Variants in MGAT4C observed in about 807,000 individuals in gnomAD.
The protein encoded by MGAT4C is MGAT4 family member C.
Under a neutral mutation model 40.1 loss-of-function variants are expected in MGAT4C, and 19 were observed. The observed-to-expected ratio is 0.47, with a 90% CI of 0.33 to 0.70. The LOEUF (loss-of-function observed/expected upper bound fraction) is 0.70, where lower values mean the gene tolerates loss of function less well. MGAT4C is among the 30% of genes least tolerant of loss of function. The pLI, the probability that MGAT4C is intolerant of heterozygous loss-of-function variation, is 0.02. For missense variants in MGAT4C, 491 were observed against 563.2 expected (o/e 0.87, Z 1.30); for synonymous variants, 181 against 187.1 (o/e 0.97, Z 0.27).
At chr12:86,599,085 G>A (rs1032979250) in intron 2 of MGAT4C, among the ~76,000 whole-genome samples, 3 of 152,086 alleles carry the variant, frequency 2.0e-5, no homozygotes, top group Non-Finnish European at 2.9e-5. Context: ...GCTAAAGGTA[G>A]AATGGGGAGA....
chr12:86,359,012 A>C (rs1487635576), intron 3 of MGAT4C, among the ~76,000 whole-genome samples: 3 of 152,200 alleles, frequency 2.0e-5, no homozygotes, highest in African/African-American at 4.8e-5. Context: ...ACCCCAAATC[A>C]ATAGAATATA....
At chr12:86,043,254 G>A (rs1441842136) in intron 2 of MGAT4C, among the ~76,000 whole-genome samples, 2 of 152,138 alleles carry the variant, frequency 1.3e-5, no homozygotes, top group South Asian at 2.1e-4. Context: ...ACAGTCACAA[G>A]GTGAAGTCCC....
intron 2 of MGAT4C, among the ~76,000 whole-genome samples, chr12:86,492,844 A>C (rs561742808): frequency 6.6e-6 from 1 of 152,326 alleles, no homozygotes; most frequent in Admixed American, 6.5e-5. Flanking sequence ...AGAAACTACC[A>C]TCAGAGTGAA....
intron 1 of MGAT4C, among the ~76,000 whole-genome samples, chr12:86,146,158 C>T (rs1828682242): frequency 6.6e-6 from 1 of 152,094 alleles, no homozygotes; most frequent in Non-Finnish European, 1.5e-5. Context: ...TTTCTATGAT[C>T]CGAAGACCTG....
chr12:86,712,818 G>A (rs918059304), intron 2 of MGAT4C, among the ~76,000 whole-genome samples: 4 of 151,898 alleles, frequency 2.6e-5, no homozygotes, highest in African/African-American at 9.7e-5. Context: ...TGCCTCCTCT[G>A]GCTCCATTCT....
intron 2 of MGAT4C, among the ~76,000 whole-genome samples, chr12:86,557,128 T>C (rs1365577014): frequency 6.6e-6 from 1 of 152,212 alleles, no homozygotes; most frequent in Non-Finnish European, 1.5e-5. Flanking sequence ...TTTTGATATT[T>C]ATCTATTTTT....
chr12:86,737,015 A>T (rs1341666875), intron 1 of MGAT4C, among the ~76,000 whole-genome samples: 9 of 95,956 alleles, frequency 9.4e-5, no homozygotes, highest in Non-Finnish European at 1.9e-4. Context: ...GCAATTCTAT[A>T]AAAAAAAAAA....
intron 1 of MGAT4C, among the ~76,000 whole-genome samples, chr12:86,240,331 A>G (rs1474521751): frequency 6.6e-6 from 1 of 151,894 alleles, no homozygotes; most frequent in Admixed American, 6.6e-5. Flanking sequence ...ACTTTTTTAT[A>G]TCCAATCTAT....
chr12:85,986,353 T>C (rs1190098634), intron 3 of MGAT4C, among the ~76,000 whole-genome samples: 1 of 152,218 alleles, frequency 6.6e-6, no homozygotes, highest in Admixed American at 6.5e-5. Context: ...ATATATACCC[T>C]TGTGGCTACT....
At chr12:86,780,128 A>G (rs956730246) in intron 1 of MGAT4C, among the ~76,000 whole-genome samples, 8 of 151,976 alleles carry the variant, frequency 5.3e-5, no homozygotes, top group East Asian at 1.9e-4. Flanking sequence ...ATTTTTTTAA[A>G]TTTTTGTTGT....
chr12:86,397,597 C>T (rs1956284236), intron 3 of MGAT4C, among the ~76,000 whole-genome samples: 1 of 151,954 alleles, frequency 6.6e-6, no homozygotes, highest in South Asian at 2.1e-4. Flanking sequence ...AGCTGTTTAT[C>T]CCTGCTTTGT....
At chr12:86,126,705 T>C (rs1468470730) in intron 1 of MGAT4C, among the ~76,000 whole-genome samples, 3 of 152,298 alleles carry the variant, frequency 2.0e-5, no homozygotes. Flanking sequence ...TATACAGTCA[T>C]GTGCAGCTTA....
intron 3 of MGAT4C, among the ~76,000 whole-genome samples, chr12:86,408,469 CTCTCTCTCTCTATA>C (rs1335001114): frequency 2.7e-5 from 3 of 109,382 alleles, no homozygotes; most frequent in Admixed American, 1.9e-4. Flanking sequence ...CTCTCTCTCT[CTCTCTCTCTCTATA>C]TATATATATA....
intron 1 of MGAT4C, among the ~76,000 whole-genome samples, chr12:86,780,168 A>C (rs1299058814): frequency 6.6e-6 from 1 of 152,118 alleles, no homozygotes; most frequent in Admixed American, 6.6e-5. Flanking sequence ...TTTGAAGTTG[A>C]ATTTAGGCTG....
chr12:86,094,375 A>G lies in MGAT4C; in HGVS notation c.-56-44652T>C, dbSNP rs561823983. 7.2e-5 allele frequency among the ~76,000 whole-genome samples: 11 copies of G among 152,330 alleles called. No homozygotes were observed. In the South Asian group the frequency reaches 2.3e-3, roughly 32 times the overall value. Reference sequence around the variant, plus strand: ...ATGGGTGGAAAGGAAGTTGTCATGCATAAATTATCCCCAATTGAAAGTAAA... The same window carrying G: ...ATGGGTGGAAAGGAAGTTGTCATGCGTAAATTATCCCCAATTGAAAGTAAA... On this transcript the variant is annotated intron_variant, in intron 1 of 4. Coordinates refer to ENST00000611864, the MANE Select transcript of MGAT4C (RefSeq NM_001351288.2).
chr12:86,077,353 T>C (rs941343166), intron 1 of MGAT4C, among the ~76,000 whole-genome samples: 1 of 152,152 alleles, frequency 6.6e-6, no homozygotes, highest in African/African-American at 2.4e-5. Context: ...CAAATACTAT[T>C]ACAGGAAGTC....
At chr12:86,412,784 TAC>T (rs1389130758) in intron 3 of MGAT4C, among the ~76,000 whole-genome samples, 1 of 152,218 alleles carries the variant, frequency 6.6e-6, no homozygotes, top group Non-Finnish European at 1.5e-5. Flanking sequence ...GACCAAATTA[TAC>T]AGTTTGTATT....
intron 1 of MGAT4C, among the ~76,000 whole-genome samples, chr12:86,762,380 G>T (rs1282974776): frequency 1.3e-5 from 2 of 151,936 alleles, no homozygotes; most frequent in Non-Finnish European, 2.9e-5. Context: ...TGGGGCTTAG[G>T]GTCCTTTTCC....
chr12:86,140,799 A>G (rs866889495), intron 1 of MGAT4C, among the ~76,000 whole-genome samples: 1 of 152,230 alleles, frequency 6.6e-6, no homozygotes, highest in African/African-American at 2.4e-5. Flanking sequence ...TTCATTATAC[A>G]TGCTGAATGA....
Sources: gnomAD v4.1 joint callset for allele counts (sites outside exome capture counted in the v4.1 genomes callset) on GRCh38, gnomAD v4.1.1 for gene constraint, MANE v1.5 for transcripts, NCBI Gene and HGNC (gene_info 2026-07-23, HGNC 2026-07-21) for gene names.